The following PADI1 variants were observed in gnomAD, a reference collection of about 807,000 sequenced individuals.
PADI1 encodes the protein peptidyl arginine deiminase 1, also known as protein-arginine deiminase type-1.
Under a neutral mutation model 74.8 loss-of-function variants are expected in PADI1, and 65 were observed. The ratio of observed to expected loss-of-function variants is 0.87; its 90% CI spans 0.71 to 1.07. The LOEUF (loss-of-function observed/expected upper bound fraction) is 1.07, where lower values mean the gene tolerates loss of function less well. PADI1 is among the 50% of genes least tolerant of loss of function. The pLI is 0.00. For missense variants in PADI1, 943 were observed against 854.0 expected (o/e 1.10, Z -1.30); for synonymous variants, 371 against 336.2 (o/e 1.10, Z -1.13).
At position 17,244,509 on chromosome 1, in the gene PADI1, T is replaced by G; in HGVS notation, c.*266T>G. 1 of 561,594 alleles carries G rather than the reference T, an allele frequency of 1.8e-6. No homozygotes were observed. The highest frequency in any genetic ancestry group is 3.4e-6 in the Non-Finnish European group (1 of 295,084). The allele number at this position is 561,594 out of a possible 1,614,324, so 34.8% of individuals were successfully genotyped here. On this transcript the variant is annotated 3_prime_UTR_variant, in exon 16 of 16. Coordinates refer to ENST00000375471, the MANE Select transcript of PADI1 (RefSeq NM_013358.3). ...CCCAGAGGCTCTAGATCAACAATGT[T>G]AGCATGTTCCAGAATGGCTGTGGGA...
chr1:17,231,120 A>C (rs1231025414), intron 10 of PADI1, among the ~76,000 whole-genome samples: 2 of 152,010 alleles, frequency 1.3e-5, no homozygotes, highest in Non-Finnish European at 2.9e-5. Flanking sequence ...GCACTGTGCT[A>C]CCTCCTGTGC....
At position 17,244,000 on chromosome 1, in the gene PADI1, T is replaced by G. The variant is rs769956795; in HGVS notation, c.1759-10T>G. On this transcript the variant is annotated splice_polypyrimidine_tract_variant and intron_variant, in intron 15 of 15. Transcript: ENST00000375471. ...CAGACAGCCTCCCTCTTGCCTTTTC[T>G]CTTTTGCAGGTTAACATGGTGGTCT... The G allele has an allele frequency of 2.3e-5, 37 of 1,600,170 alleles. No homozygotes were observed. The highest frequency in any genetic ancestry group is 3.2e-5 in the Non-Finnish European group (37 of 1,168,314).
chr1:17,231,936 CGTGT>C (rs971168494), intron 10 of PADI1, among the ~76,000 whole-genome samples: 10 of 135,352 alleles, frequency 7.4e-5, no homozygotes, highest in Admixed American at 2.8e-4. Context: ...AAAAAAAACA[CGTGT>C]TTGTTTGTTT....
At chr1:17,235,425 C>T (rs1295914905) in intron 11 of PADI1, among the ~76,000 whole-genome samples, 1 of 152,102 alleles carries the variant, frequency 6.6e-6, no homozygotes, top group Non-Finnish European at 1.5e-5. Flanking sequence ...GTATGGGTGG[C>T]ATGTAGATGG....
chr1:17,239,473 G>T (rs529813375), intron 13 of PADI1, among the ~76,000 whole-genome samples: 3 of 152,128 alleles, frequency 2.0e-5, no homozygotes, highest in Non-Finnish European at 2.9e-5. Flanking sequence ...TAATTATTAG[G>T]CTCCAAGTCC....
chr1:17,232,938 G>C lies in PADI1; in HGVS notation c.1281G>C (p.Leu427=). The change falls in exon 11 of 16, where the codon CTG becomes CTC. Residue 427 remains leucine, a synonymous_variant. Transcript: ENST00000375471. The part of the protein sequence containing the change: ...PVTVGGTEYP[L]GRILIGSSFP... ...CGGTGGGCGGCACGGAATACCCCCT[G>C]GGCCGGATCCTCATCGGGAGCAGCT... The C allele has an allele frequency of 6.2e-7, 1 of 1,611,010 alleles. No homozygotes were observed. The highest frequency in any genetic ancestry group is 1.1e-5 in the South Asian group (1 of 90,522).
At chr1:17,233,308 A>G (rs1248548064) in intron 11 of PADI1, among the ~76,000 whole-genome samples, 2 of 152,162 alleles carry the variant, frequency 1.3e-5, no homozygotes, top group Non-Finnish European at 2.9e-5. Context: ...GGGAGGTGAG[A>G]TACAGTCTGG....
rs137907579 is a variant in PADI1 at position 17,207,227 on chromosome 1, G to A, written c.92+1918G>A. Among the ~76,000 whole-genome samples the A allele has an allele frequency of 4.0e-3, 616 of 152,284 alleles. 6 individuals are homozygous for A. Among genetic ancestry groups the A allele is most frequent in the African/African-American group, 0.012 (478 of 41,550 alleles). The stretch of plus-strand genomic sequence containing the variant: ...TTAGCTCTGCCACTGACTTCCTGCT[G>A]GATGTGGGCCAAGTCACTTGTCCTC... On this transcript the variant is annotated intron_variant, in intron 1 of 15. Coordinates refer to ENST00000375471, the MANE Select transcript of PADI1 (RefSeq NM_013358.3).
intron 1 of PADI1, among the ~76,000 whole-genome samples, chr1:17,207,534 T>C (rs909740570): frequency 6.6e-6 from 1 of 152,200 alleles, no homozygotes; most frequent in South Asian, 2.1e-4. Context: ...ACAGCTCTGG[T>C]AGCTCTGTGA....
At chr1:17,227,425 G>A (rs941882118) in intron 6 of PADI1, among the ~76,000 whole-genome samples, 5 of 151,124 alleles carry the variant, frequency 3.3e-5, no homozygotes, top group Admixed American at 2.0e-4. Context: ...CAGCTACTCT[G>A]AAGGCTGAAG....
At position 17,230,110 on chromosome 1, in the gene PADI1, G is replaced by A. The variant is rs1182816849; in HGVS notation, c.955G>A (p.Glu319Lys). The A allele has an allele frequency of 3.1e-6, 5 of 1,613,956 alleles. No individual in the cohort carries two copies. The highest frequency in any genetic ancestry group is 4.2e-6 in the Non-Finnish European group (5 of 1,179,920). Reference sequence around the variant, plus strand: ...AGTGATGGACACTCATGGCTCCAATGAGAAATTCCTGGAGGACATGTCTTA... The same window carrying A: ...AGTGATGGACACTCATGGCTCCAATAAGAAATTCCTGGAGGACATGTCTTA... Reference protein sequence around the residue: ...CRVMDTHGSNEKFLEDMSYLT... With the variant: ...CRVMDTHGSNKKFLEDMSYLT... Residue 319 changes from glutamate to lysine, a missense_variant, in exon 9 of 16, where the codon GAG becomes AAG. Coordinates refer to ENST00000375471, the MANE Select transcript of PADI1 (RefSeq NM_013358.3).
intron 3 of PADI1, 123 bp from the exon 4 acceptor site, chr1:17,224,244 C>A: frequency 1.3e-6 from 1 of 796,418 alleles, no homozygotes; most frequent in Non-Finnish European, 2.1e-6. Flanking sequence ...GGGTCTGACC[C>A]CCAGACAGGG....
intron 11 of PADI1, among the ~76,000 whole-genome samples, chr1:17,236,421 T>C (rs2072642680): frequency 6.6e-6 from 1 of 152,134 alleles, no homozygotes; most frequent in Non-Finnish European, 1.5e-5. Context: ...TTGTCTCAGC[T>C]TTGCTGAGAG....
chr1:17,226,003 G>C (rs760858654), intron 5 of PADI1, 30 bp from the exon 6 acceptor site: 1 of 1,612,620 alleles, frequency 6.2e-7, no homozygotes, highest in East Asian at 2.2e-5. Context: ...GGTGGAGAAA[G>C]GGCGATCTCA....
At chr1:17,205,375 G>C (rs886997955) in intron 1 of PADI1, 66 bp downstream of exon 1, 1 of 1,260,794 alleles carries the variant, frequency 7.9e-7, no homozygotes, top group Non-Finnish European at 1.2e-6. Context: ...AATGGGGTGG[G>C]TGCCTGGTAG....
Position 17,244,773 on chromosome 1 carries a change from C to T in PADI1, c.*530C>T, listed in dbSNP as rs2072850655. On this transcript the variant is annotated 3_prime_UTR_variant, in exon 16 of 16. Coordinates refer to ENST00000375471, the MANE Select transcript of PADI1 (RefSeq NM_013358.3). The stretch of plus-strand genomic sequence containing the variant: ...GGACCCAAGGCTGTGACACTTACCT[C>T]CACCCCCATCCAGCACCCTTCAGCT... The T allele has an allele frequency of 3.1e-6, 1 of 322,514 alleles. No individual in the cohort carries two copies. The highest frequency in any genetic ancestry group is 2.2e-5 in the African/African-American group (1 of 46,218). The allele number at this position is 322,514 out of a possible 1,614,324, so 20.0% of individuals were successfully genotyped here.
At chr1:17,205,565 C>G (rs938946096) in intron 1 of PADI1, among the ~76,000 whole-genome samples, 17 of 152,258 alleles carry the variant, frequency 1.1e-4, no homozygotes, top group African/African-American at 3.6e-4. Context: ...CCTTAGATTT[C>G]TAACTCTGAG....
intron 13 of PADI1, 38 bp downstream of exon 13, chr1:17,238,747 G>T: frequency 8.8e-7 from 1 of 1,139,410 alleles, no homozygotes. Context: ...GGGGGACCCT[G>T]CCCTTTCATC....
chr1:17,226,567 G>A (rs2072318296), intron 6 of PADI1, among the ~76,000 whole-genome samples: 1 of 152,190 alleles, frequency 6.6e-6, no homozygotes, highest in African/African-American at 2.4e-5. Flanking sequence ...CCCGGGCCCT[G>A]CCTCTGGCCC....
Sources: allele counts gnomAD v4.1 joint callset (sites outside exome capture counted in the v4.1 genomes callset), GRCh38; gene constraint gnomAD v4.1.1; transcripts MANE v1.5; gene names NCBI Gene and HGNC (gene_info 2026-07-23, HGNC 2026-07-21).